Variants in RNASET2 observed in about 807,000 individuals in gnomAD.
RNASET2 encodes the protein ribonuclease T2.
A neutral mutation model predicts 33.9 loss-of-function variants in RNASET2; 28 were observed. The observed-to-expected ratio is 0.83, with a 90% CI of 0.61 to 1.13. The LOEUF is 1.13. Among genes scored for constraint, RNASET2 ranks in the 50% most tolerant of loss-of-function variants. The pLI, the probability that RNASET2 is intolerant of heterozygous loss-of-function variation, is 0.00. For missense variants in RNASET2, 330 were observed against 319.9 expected (o/e 1.03, Z -0.24); for synonymous variants, 123 against 121.0 (o/e 1.02, Z -0.11).
chr6:166,942,654 C>CTGGT (rs1221962758), intron 5 of RNASET2, among the ~76,000 whole-genome samples: 4 of 151,994 alleles, frequency 2.6e-5, no homozygotes. Context: ...TGTTACCAGG[C>CTGGT]TGGTCTCAAA....
At chr6:166,930,777 GCA>G (rs1425064395) in intron 8 of RNASET2, among the ~76,000 whole-genome samples, 1 of 139,590 alleles carries the variant, frequency 7.2e-6, no homozygotes, top group Non-Finnish European at 1.5e-5. Flanking sequence ...GCACACACAT[GCA>G]CACATAGCAC....
chr6:166,948,061 A>T (rs1452017172), intron 3 of RNASET2, among the ~76,000 whole-genome samples: 2 of 152,172 alleles, frequency 1.3e-5, no homozygotes, highest in East Asian at 3.8e-4. Flanking sequence ...AAAAAGTGTT[A>T]TTGGCTGGGC....
At chr6:166,954,922 T>C (rs1187946114) in intron 1 of RNASET2, among the ~76,000 whole-genome samples, 1 of 151,572 alleles carries the variant, frequency 6.6e-6, no homozygotes, top group Non-Finnish European at 1.5e-5. Flanking sequence ...ACCCGGGAGG[T>C]GGAGGTTGCA....
At chr6:166,934,339 A>T (rs1254618950) in intron 6 of RNASET2, 4 of 584,846 alleles carry the variant, frequency 6.8e-6, no homozygotes, top group Non-Finnish European at 1.2e-5. Flanking sequence ...TAGCACACAC[A>T]CAAACTGCTC....
intron 6 of RNASET2, 81 bp from the exon 7 acceptor site, chr6:166,934,217 T>C (rs1778513614): frequency 4.3e-6 from 4 of 933,920 alleles, no homozygotes; most frequent in Non-Finnish European, 7.0e-6. Flanking sequence ...TCATATTTCA[T>C]GGTAAAAATT....
Position 166,925,790 on chromosome 6 carries a change from T to C in RNASET2, c.*3798A>G, listed in dbSNP as rs1202206819. ...TGATATCCCATGGAACTTGCTAAAC[T>C]AGGTGAGCAGAAGAGCACTCCAGGC... On this transcript the variant is annotated 3_prime_UTR_variant, in exon 9 of 9. Coordinates refer to ENST00000508775, the MANE Select transcript of RNASET2 (RefSeq NM_003730.6). Among the ~76,000 whole-genome samples the C allele has an allele frequency of 6.6e-6, 1 of 152,112 alleles. No individual in the cohort carries two copies. The highest frequency in any genetic ancestry group is 1.5e-5 in the Non-Finnish European group (1 of 68,030).
In RNASET2 at chr6:166,933,358, C is replaced by T. The variant is rs2128644444; in HGVS notation, c.492+733G>A. On this transcript the variant is annotated intron_variant, in intron 7 of 8. Transcript: ENST00000508775. The surrounding 1 kb of genome is among the most constrained non-coding windows in gnomAD (Gnocchi z 4.1). The stretch of plus-strand genomic sequence containing the variant: ...GGCAACCAAGAGTTGAAAACAACTA[C>T]TTTTTCTTTTTTTTTTAAAGAGACG... 1 of 144,830 alleles carries T rather than the reference C, an allele frequency of 6.9e-6. No individual in the cohort carries two copies. The highest frequency in any genetic ancestry group is 2.2e-4 in the South Asian group (1 of 4,570). The allele number at this position is 144,830 out of a possible 1,614,324, so 9.0% of individuals were successfully genotyped here. A position where few individuals can be genotyped will look rare whatever the true frequency, so the allele number is the denominator to read the frequency against.
intron 8 of RNASET2, among the ~76,000 whole-genome samples, chr6:166,930,577 A>G (rs1157652580): frequency 1.3e-5 from 2 of 149,514 alleles, no homozygotes; most frequent in African/African-American, 5.0e-5. Flanking sequence ...ATGCACACAC[A>G]TGCACACACA....
At chr6:166,955,308 G>GGC in intron 1 of RNASET2, among the ~76,000 whole-genome samples, 1 of 36,966 alleles carries the variant, frequency 2.7e-5, no homozygotes, top group Non-Finnish European at 5.0e-5. Context: ...GCGCACACAC[G>GGC]ACACACACGC....
rs1375049965 is a variant in RNASET2 at position 166,943,004 on chromosome 6, G to A, written c.332+15C>T. On this transcript the variant is annotated intron_variant, in intron 5 of 8. Transcript: ENST00000508775. ...CAGACAGTAATCAAGACAGCAATCAGAGGCTGGGACTTACCAGAAGCGGCT... is the reference window on the plus strand; with the variant it reads ...CAGACAGTAATCAAGACAGCAATCAAAGGCTGGGACTTACCAGAAGCGGCT... The A allele has an allele frequency of 1.2e-6, 2 of 1,610,520 alleles. No homozygotes were observed. The highest frequency in any genetic ancestry group is 1.1e-5 in the South Asian group (1 of 90,896).
rs577035153 is a variant in RNASET2, at chr6:166,933,235, G to A, written c.492+856C>T. On this transcript the variant is annotated intron_variant, in intron 7 of 8. Coordinates refer to ENST00000508775, the MANE Select transcript of RNASET2 (RefSeq NM_003730.6). The surrounding 1 kb of genome is among the most constrained non-coding windows in gnomAD (Gnocchi z 4.1). ...TAAAGGTCCACGTCGTAAATATCCC[G>A]GGATTTGTGGATGACACATCGGTCC... 4 of 152,144 alleles carry A rather than the reference G, an allele frequency of 2.6e-5. No homozygotes were observed. The highest frequency in any genetic ancestry group is 6.5e-5 in the Admixed American group (1 of 15,276). The allele number at this position is 152,144 out of a possible 1,614,324, so 9.4% of individuals were successfully genotyped here.
At chr6:166,941,559 C>A (rs1297265062) in intron 5 of RNASET2, among the ~76,000 whole-genome samples, 1 of 152,142 alleles carries the variant, frequency 6.6e-6, no homozygotes, top group Non-Finnish European at 1.5e-5. Flanking sequence ...AGACCTGAAC[C>A]ATTCACCACC....
At position 166,956,437 on chromosome 6, in the gene RNASET2, A is replaced by G; in HGVS notation, c.-255T>C. 1 of 544,446 alleles carries G rather than the reference A, an allele frequency of 1.8e-6. No homozygotes were observed. The highest frequency in any genetic ancestry group is 2.1e-5 in the South Asian group (1 of 48,194). The allele number at this position is 544,446 out of a possible 1,614,324, so 33.7% of individuals were successfully genotyped here. A position where few individuals can be genotyped will look rare whatever the true frequency, so the allele number is the denominator to read the frequency against. On this transcript the variant is annotated 5_prime_UTR_variant, in exon 1 of 9. Transcript: ENST00000508775. ...CCCGGGCCCCTCGGAGCTCCCCTTC[A>G]GGATCGTGCACCAAGCGCGCACGTC... is the stretch of plus-strand genomic sequence containing the variant.
intron 6 of RNASET2, among the ~76,000 whole-genome samples, chr6:166,936,873 T>C (rs76935222): frequency 4.6e-4 from 70 of 152,314 alleles, no homozygotes; most frequent in African/African-American, 1.1e-3. Context: ...ATTTAGATGA[T>C]TGATTTTAAA....
At position 166,939,006 on chromosome 6, in the gene RNASET2, T is replaced by C; in HGVS notation, c.335A>G (p.Lys112Arg). The C allele has an allele frequency of 1.2e-6, 2 of 1,610,572 alleles. No homozygotes were observed. Among genetic ancestry groups the C allele is most frequent in the Non-Finnish European group, 1.7e-6 (2 of 1,177,846 alleles). Residue 112 changes from lysine to arginine, a missense_variant and splice_region_variant, in exon 6 of 9, where the codon AAG becomes AGG. Lys to Arg is a conservative substitution (Grantham distance 26, BLOSUM62 2). Coordinates refer to ENST00000508775, the MANE Select transcript of RNASET2 (RefSeq NM_003730.6). Reference protein sequence around the residue: ...HSFPNRSRFWKHEWEKHGTCA... With the variant: ...HSFPNRSRFWRHEWEKHGTCA... The stretch of plus-strand genomic sequence containing the variant: ...GGTCCCATGCTTTTCCCACTCATGC[T>C]TCCTGTGAGGATTAGGAAAAATCTC...
intron 6 of RNASET2, among the ~76,000 whole-genome samples, chr6:166,935,763 C>T (rs1291202920): frequency 1.3e-5 from 2 of 152,152 alleles, no homozygotes; most frequent in Non-Finnish European, 2.9e-5. Flanking sequence ...CTGCAACCTC[C>T]GCCTCCTGGT....
chr6:166,953,854 T>C (rs1037724914), intron 1 of RNASET2, among the ~76,000 whole-genome samples: 2 of 145,472 alleles, frequency 1.4e-5, no homozygotes, highest in African/African-American at 5.3e-5. Context: ...CACTCCAACC[T>C]GGGCTACACA....
Position 166,926,917 on chromosome 6 carries a change from T to C in RNASET2, c.*2671A>G, listed in dbSNP as rs1304143477. On this transcript the variant is annotated 3_prime_UTR_variant, in exon 9 of 9. Coordinates refer to ENST00000508775, the MANE Select transcript of RNASET2 (RefSeq NM_003730.6). Reference sequence around the variant, plus strand: ...TGAGACCCGGGCCAGCTGCCCCTCCTGGCTGCTCTCCATCCTGAGATGCGC... The same window carrying C: ...TGAGACCCGGGCCAGCTGCCCCTCCCGGCTGCTCTCCATCCTGAGATGCGC... 6.6e-6 allele frequency among the ~76,000 whole-genome samples: 1 copy of C among 152,218 alleles called. No individual in the cohort carries two copies.
At chr6:166,943,279 G>A (rs1778737669) in intron 4 of RNASET2, 190 bp from the exon 5 acceptor site, 3 of 515,886 alleles carry the variant, frequency 5.8e-6, no homozygotes, top group South Asian at 3.9e-5. Context: ...TGCAATTTGA[G>A]TAATCATAAA....
Sources: gnomAD v4.1 joint callset for allele counts (sites outside exome capture counted in the v4.1 genomes callset) on GRCh38, gnomAD v4.1.1 for gene constraint, Gnocchi (gnomAD v3.1) non-coding constraint, MANE v1.5 for transcripts, NCBI Gene and HGNC (gene_info 2026-07-23, HGNC 2026-07-21) for gene names.